The following SMAD3 variants were observed in gnomAD, a reference collection of about 807,000 sequenced individuals.
SMAD3 encodes MAD homolog 3.
In SMAD3, 12 loss-of-function variants were observed where a neutral mutation model predicts 51.8. The ratio of observed to expected loss-of-function variants is 0.23; its 90% CI spans 0.15 to 0.38. SMAD3 has a LOEUF of 0.38. SMAD3 is among the 10% of genes least tolerant of loss of function. The probability of loss-of-function intolerance (pLI) is 1.00; values close to 1 mark genes in which losing one functional copy is unlikely to be tolerated. For synonymous variants in SMAD3, 238 were observed against 227.7 expected, an observed-to-expected ratio of 1.05 and a Z score of -0.41; for missense variants, 294 against 565.6, an observed-to-expected ratio of 0.52 and a Z score of 4.87.
intron 1 of SMAD3, among the ~76,000 whole-genome samples, chr15:67,159,040 TA>T (rs1005534848): frequency 2.6e-5 from 4 of 152,148 alleles, no homozygotes; most frequent in Admixed American, 6.5e-5. Context: ...AATATTTCAT[TA>T]AAAAAATTTT....
chr15:67,188,433 C>T (rs575139836), intron 8 of SMAD3, among the ~76,000 whole-genome samples: 28 of 152,210 alleles, frequency 1.8e-4, no homozygotes, highest in South Asian at 6.2e-4. Context: ...CCACCATGCC[C>T]GGCCCTAGAT....
intron 6 of SMAD3, among the ~76,000 whole-genome samples, chr15:67,182,996 AAAAAAT>A (rs71142360): frequency 4.2e-3 from 232 of 55,276 alleles, no homozygotes; most frequent in East Asian, 0.026. Context: ...TAAAAAAAAA[AAAAAAT>A]ATATATATAT....
At chr15:67,087,657 C>T (rs1373066899) in intron 1 of SMAD3, among the ~76,000 whole-genome samples, 3 of 152,110 alleles carry the variant, frequency 2.0e-5, no homozygotes, top group African/African-American at 7.2e-5. Flanking sequence ...GGTGATTATT[C>T]CAGATTTCAT....
chr15:67,168,453 T>G (rs1026599576), intron 4 of SMAD3, among the ~76,000 whole-genome samples: 1 of 152,230 alleles, frequency 6.6e-6, no homozygotes, highest in Non-Finnish European at 1.5e-5. Context: ...TTGCAGCTAT[T>G]CAGTGCAGGC....
chr15:67,113,662 G>C (rs1961073245), intron 1 of SMAD3, among the ~76,000 whole-genome samples: 1 of 152,158 alleles, frequency 6.6e-6, no homozygotes, highest in African/African-American at 2.4e-5. Context: ...CTAATGACAA[G>C]ATTAACACAG....
At position 67,149,477 on chromosome 15, in the gene SMAD3, A is replaced by G. The variant is rs577172419; in HGVS notation, c.207-15418A>G. Among the ~76,000 whole-genome samples the G allele has an allele frequency of 1.4e-4, 22 of 152,274 alleles. No homozygotes were observed. The East Asian group carries it at 3.9e-3, about 27-fold the overall frequency. ...GTTTTAGGGATGCAGCTTTCAGACA[A>G]GGGCCACTTAGTTGATGAGGCCGGC... is the stretch of plus-strand genomic sequence containing the variant. On this transcript the variant is annotated intron_variant, in intron 1 of 8. Coordinates refer to ENST00000327367, the MANE Select transcript of SMAD3 (RefSeq NM_005902.4).
intron 4 of SMAD3, among the ~76,000 whole-genome samples, chr15:67,167,670 C>G (rs1009885280): frequency 1.3e-5 from 2 of 152,066 alleles, no homozygotes; most frequent in African/African-American, 4.8e-5. Flanking sequence ...GTGCTCCTGC[C>G]GTGAGGGGCA....
chr15:67,129,014 CT>C (rs1961458292), intron 1 of SMAD3, among the ~76,000 whole-genome samples: 1 of 152,174 alleles, frequency 6.6e-6, no homozygotes, highest in Non-Finnish European at 1.5e-5. Context: ...GGCCCAGCCA[CT>C]TACCCGAGGC....
At chr15:67,184,630 G>A in intron 6 of SMAD3, 97 bp from the exon 7 acceptor site, 1 of 1,462,180 alleles carries the variant, frequency 6.8e-7, no homozygotes, top group Non-Finnish European at 9.5e-7. Flanking sequence ...ACTGGGAGCA[G>A]CTCTGCTGTT....
chr15:67,170,562 A>G lies in SMAD3; in HGVS notation c.616A>G (p.Asn206Asp), dbSNP rs1566994392. The change falls in exon 5 of 9, where the codon AAC becomes GAC. Residue 206 changes from asparagine to aspartate, a missense_variant. Asn to Asp is a conservative substitution (Grantham distance 23). Transcript: ENST00000327367. Reference protein sequence around the residue: ...MNHSMDAGSPNLSPNPMSPAH... With the variant: ...MNHSMDAGSPDLSPNPMSPAH... ...CTTGTCTCACCTCGCAGGTTCTCCAAACCTATCCCCGAATCCGATGTCCCC... is the reference window on the plus strand; with the variant it reads ...CTTGTCTCACCTCGCAGGTTCTCCAGACCTATCCCCGAATCCGATGTCCCC... 6.2e-7 allele frequency: 1 copy of G among 1,614,068 alleles called. No homozygotes were observed. Among genetic ancestry groups the G allele is most frequent in the Non-Finnish European group, 8.5e-7 (1 of 1,179,948 alleles).
chr15:67,141,394 A>T (rs1279217542), intron 1 of SMAD3, among the ~76,000 whole-genome samples: 1 of 152,140 alleles, frequency 6.6e-6, no homozygotes, highest in African/African-American at 2.4e-5. Context: ...TATGGCCAAG[A>T]TGGATGCAGT....
intron 1 of SMAD3, among the ~76,000 whole-genome samples, chr15:67,074,670 T>A (rs1035396929): frequency 6.6e-6 from 1 of 152,240 alleles, no homozygotes; most frequent in Non-Finnish European, 1.5e-5. Flanking sequence ...ATTGTTTGTT[T>A]GTTTCTTTAT....
chr15:67,156,118 A>G (rs1962276777), intron 1 of SMAD3, among the ~76,000 whole-genome samples: 1 of 152,228 alleles, frequency 6.6e-6, no homozygotes, highest in Non-Finnish European at 1.5e-5. Flanking sequence ...CTGCTGCAGC[A>G]TGTATGTTCT....
At chr15:67,136,830 G>C (rs1159705629) in intron 1 of SMAD3, among the ~76,000 whole-genome samples, 5 of 152,242 alleles carry the variant, frequency 3.3e-5, no homozygotes. Flanking sequence ...AAGGGCAGAG[G>C]ATGGAGATCC....
At chr15:67,187,236 C>A in intron 7 of SMAD3, 129 bp from the exon 8 acceptor site, 1 of 1,116,650 alleles carries the variant, frequency 9.0e-7, no homozygotes, top group Non-Finnish European at 1.4e-6. Context: ...AAATGCATCA[C>A]ACACCATGTG....
intron 1 of SMAD3, chr15:67,126,093 A>G: frequency 2.1e-6 from 1 of 482,446 alleles, no homozygotes; most frequent in Non-Finnish European, 2.7e-6. Context: ...GGAATTGCGT[A>G]GTTTTTTTCT....
chr15:67,066,870 G>C (rs1425954278), intron 1 of SMAD3, among the ~76,000 whole-genome samples: 1 of 152,246 alleles, frequency 6.6e-6, no homozygotes, highest in Non-Finnish European at 1.5e-5. Flanking sequence ...GGTGAGGAGC[G>C]GGAGCCTAGT....
chr15:67,101,843 G>C (rs745965576), intron 1 of SMAD3, among the ~76,000 whole-genome samples: 2 of 152,212 alleles, frequency 1.3e-5, no homozygotes, highest in African/African-American at 4.8e-5. Context: ...GATGATGGAC[G>C]TTAAAGTGCT....
chr15:67,099,792 G>T (rs541401949), intron 1 of SMAD3, among the ~76,000 whole-genome samples: 2 of 152,178 alleles, frequency 1.3e-5, no homozygotes, highest in Non-Finnish European at 2.9e-5. Context: ...TTATTTAATT[G>T]TTGCTAATAA....
Sources: allele counts gnomAD v4.1 joint callset (sites outside exome capture counted in the v4.1 genomes callset), GRCh38; gene constraint gnomAD v4.1.1; transcripts MANE v1.5; gene names NCBI Gene and HGNC (gene_info 2026-07-23, HGNC 2026-07-21).